CLEC4A: variants seen among roughly 807,000 people sequenced by gnomAD.
CLEC4A encodes C-type lectin domain family 4 member A, also known as C-type (calcium dependent, carbohydrate-recognition domain) lectin, superfamily member 6.
A neutral mutation model predicts 32.7 loss-of-function variants in CLEC4A; 27 were observed. That is an observed-to-expected ratio of 0.83 (90% CI 0.61 to 1.14). CLEC4A has a LOEUF of 1.14. CLEC4A is among the 50% of genes most tolerant of loss of function. The pLI, the probability that CLEC4A is intolerant of heterozygous loss-of-function variation, is 0.00. For missense variants in CLEC4A, 253 were observed against 274.6 expected, an observed-to-expected ratio of 0.92 and a Z score of 0.55; for synonymous variants, 89 against 93.7, an observed-to-expected ratio of 0.95 and a Z score of 0.29.
At position 8,134,535 on chromosome 12, in the gene CLEC4A, T is replaced by A. The variant is rs761619069; in HGVS notation, c.299-1050T>A. On this transcript the variant is annotated intron_variant, in intron 3 of 5. Transcript: ENST00000229332. ...GGGCTCCGGGGAGGCCCCATCGGAG[T>A]TGCTCTCCACCCCGACTCCTGCTTC... 10 of 1,613,462 alleles carry A rather than the reference T, an allele frequency of 6.2e-6. No homozygotes were observed. The East Asian group carries it at 1.1e-4, about 18-fold the overall frequency.
Position 8,123,786 on chromosome 12 carries a change from T to C in CLEC4A, c.-93T>C. 1.2e-6 allele frequency: 1 copy of C among 826,356 alleles called. No individual in the cohort carries two copies. Among genetic ancestry groups the C allele is most frequent in the African/African-American group, 1.7e-5 (1 of 59,548 alleles). 51.2% of individuals were successfully genotyped at this position (826,356 alleles called of 1,614,324 possible). A position where few individuals can be genotyped will look rare whatever the true frequency, so the allele number is the denominator to read the frequency against. ...CACTAGTTGAGTGAAAGGAAGGAGG[T>C]AATTTACCACCATGTTTGGTTCCTG... On this transcript the variant is annotated 5_prime_UTR_variant, in exon 1 of 6. Transcript: ENST00000229332.
upstream of CLEC4A, among the ~76,000 whole-genome samples, chr12:8,123,461 C>A (rs1947851243): frequency 6.6e-6 from 1 of 152,166 alleles, no homozygotes; most frequent in African/African-American, 2.4e-5. Context: ...GATGTTTGGT[C>A]AAAAGTAATT....
Position 8,134,986 on chromosome 12 carries a change from G to GT in CLEC4A, c.299-590dup, listed in dbSNP as rs1482435797. On this transcript the variant is annotated intron_variant, in intron 3 of 5. Transcript: ENST00000229332. Reference sequence around the variant, plus strand: ...TCTTGTTGAAGCGTTTTTGTTTTTTGTTTTTTTTTAATCATGGCTGCTTTT... The same window carrying GT: ...TCTTGTTGAAGCGTTTTTGTTTTTTGTTTTTTTTTTAATCATGGCTGCTTTT... The GT allele has an allele frequency of 1.4e-3, 199 of 138,638 alleles. 8 individuals carry two copies. Among genetic ancestry groups the GT allele is most frequent in the East Asian group, 4.1e-3 (15 of 3,686 alleles). The allele number at this position is 138,638 out of a possible 1,614,324, so 8.6% of individuals were successfully genotyped here.
the CLEC4A span, among the ~76,000 whole-genome samples, chr12:8,109,632 C>T: frequency 6.6e-6 from 1 of 152,176 alleles, no homozygotes; most frequent in East Asian, 1.9e-4. Context: ...GGGAGAATCG[C>T]TTGAGCCCAG....
At chr12:8,114,490 C>G in the CLEC4A span, among the ~76,000 whole-genome samples, 13 of 152,000 alleles carry the variant, frequency 8.6e-5, no homozygotes, top group Admixed American at 7.9e-4. Flanking sequence ...GTGATCCACC[C>G]GCCTCAGCCT....
chr12:8,136,926 G>A (rs751960808), intron 5 of CLEC4A, 23 bp downstream of exon 5: 2 of 1,508,950 alleles, frequency 1.3e-6, no homozygotes, highest in South Asian at 2.3e-5. Flanking sequence ...TGAGATAAAA[G>A]AATCTTGGGT....
In CLEC4A at chr12:8,135,626, A is replaced by G; in HGVS notation, c.340A>G (p.Ser114Gly). The G allele has an allele frequency of 3.1e-6, 5 of 1,614,248 alleles. No homozygotes were observed. The highest frequency in any genetic ancestry group is 4.2e-6 in the Non-Finnish European group (5 of 1,180,024). Reference protein sequence around the residue: ...SCCPKNWKSFSSNCYFISTES... With the variant: ...SCCPKNWKSFGSNCYFISTES... The stretch of plus-strand genomic sequence containing the variant: ...TTGCCCAAAGAATTGGAAGTCATTT[A>G]GTTCCAACTGCTACTTTATTTCTAC... Residue 114 changes from serine (S) to glycine (G), a missense_variant, in exon 4 of 6, where the codon AGT (serine) becomes GGT (glycine). Physicochemically the swap from Ser to Gly is moderately conservative, Grantham distance 56. Coordinates refer to ENST00000229332, the MANE Select transcript of CLEC4A (RefSeq NM_016184.4).
Position 8,123,649 on chromosome 12 carries a change from C to T in CLEC4A, c.-230C>T, listed in dbSNP as rs1350873125. 1 of 481,712 alleles carries T rather than the reference C, an allele frequency of 2.1e-6. No individual in the cohort carries two copies. The highest frequency in any genetic ancestry group is 3.8e-5 in the Admixed American group (1 of 26,610). 29.8% of individuals were successfully genotyped at this position (481,712 alleles called of 1,614,324 possible). A position where few individuals can be genotyped will look rare whatever the true frequency, so the allele number is the denominator to read the frequency against. On this transcript the variant is annotated 5_prime_UTR_variant, in exon 1 of 6. Coordinates refer to ENST00000229332, the MANE Select transcript of CLEC4A (RefSeq NM_016184.4). ...TTTCAAGGCTGTGATTCTCACTATA[C>T]TGGTCCTGAGGAAAGGGCTTCTGTG...
Position 8,129,245 on chromosome 12 carries a change from T to A in CLEC4A, c.200-19T>A. 1 of 1,426,488 alleles carries A rather than the reference T, an allele frequency of 7.0e-7. No homozygotes were observed. Among genetic ancestry groups the A allele is most frequent in the Non-Finnish European group, 9.8e-7 (1 of 1,022,178 alleles). The allele number at this position is 1,426,488 out of a possible 1,614,324, so 88.4% of individuals were successfully genotyped here. A position where few individuals can be genotyped will look rare whatever the true frequency, so the allele number is the denominator to read the frequency against. On this transcript the variant is annotated intron_variant, in intron 2 of 5. Transcript: ENST00000229332. ...ATAATGCTACCAGGAAAATAAATGG[T>A]CTTTATTCTCTTTTCCAGTTTTCTT...
intron 5 of CLEC4A, 23 bp from the exon 6 acceptor site, chr12:8,138,117 C>T: frequency 6.2e-7 from 1 of 1,610,474 alleles, no homozygotes; most frequent in Non-Finnish European, 8.5e-7. Context: ...AAGAAATGCC[C>T]TCATCCTTTT....
the CLEC4A span, among the ~76,000 whole-genome samples, chr12:8,117,837 C>T: frequency 6.6e-6 from 1 of 152,052 alleles, no homozygotes; most frequent in African/African-American, 2.4e-5. Flanking sequence ...ATTCTTCAAA[C>T]ATAAGGAGAA....
At chr12:8,124,488 C>A (rs933918088) in intron 1 of CLEC4A, among the ~76,000 whole-genome samples, 1 of 152,190 alleles carries the variant, frequency 6.6e-6, no homozygotes, top group African/African-American at 2.4e-5. Flanking sequence ...TCTCTTAAAT[C>A]TCCAGGAAAC....
the CLEC4A span, among the ~76,000 whole-genome samples, chr12:8,105,311 G>A: frequency 1.3e-4 from 19 of 147,726 alleles, no homozygotes; most frequent in African/African-American, 4.7e-4. Context: ...TTTGATTTGT[G>A]TTTCTCTAAT....
the CLEC4A span, among the ~76,000 whole-genome samples, chr12:8,111,963 G>GTGTGTGTA: frequency 2.7e-4 from 39 of 142,700 alleles, no homozygotes; most frequent in Middle Eastern, 3.5e-3. Flanking sequence ...GTGTGTGTGT[G>GTGTGTGTA]TATTTTATTT....
chr12:8,130,374 T>A (rs1002305520), intron 3 of CLEC4A, among the ~76,000 whole-genome samples: 1 of 151,838 alleles, frequency 6.6e-6, no homozygotes, highest in Non-Finnish European at 1.5e-5. Flanking sequence ...ATTATTGTTA[T>A]TATTATTATT....
upstream of CLEC4A, among the ~76,000 whole-genome samples, chr12:8,122,873 T>C (rs781433292): frequency 1.4e-4 from 21 of 151,988 alleles, 1 homozygote; most frequent in South Asian, 4.4e-3. Context: ...AGGAATCAGC[T>C]GGGGGAGATT....
chr12:8,138,484 C>A lies in CLEC4A; in HGVS notation c.*197C>A. On this transcript the variant is annotated 3_prime_UTR_variant, in exon 6 of 6. Coordinates refer to ENST00000229332, the MANE Select transcript of CLEC4A (RefSeq NM_016184.4). The stretch of plus-strand genomic sequence containing the variant: ...AGTGAGCATTTATTGAGCATTTTTT[C>A]ATGTGCCAGAGCCTGTACTGGAGGC... 1.7e-6 allele frequency: 1 copy of A among 596,304 alleles called. No homozygotes were observed. Among genetic ancestry groups the A allele is most frequent in the Non-Finnish European group, 2.8e-6 (1 of 359,130 alleles). 36.9% of individuals were successfully genotyped at this position (596,304 alleles called of 1,614,324 possible).
At chr12:8,114,067 TC>T in the CLEC4A span, among the ~76,000 whole-genome samples, 1 of 152,114 alleles carries the variant, frequency 6.6e-6, no homozygotes, top group African/African-American at 2.4e-5. Flanking sequence ...CAAGGTGTTA[TC>T]AGGTTGCACT....
rs1194837607 is a variant in CLEC4A at position 8,134,974 on chromosome 12, T to TTTTTTTTTTTTTG, written c.299-607_299-606insTTTTTTTTGTTTT. 8.0e-5 allele frequency: 16 copies of TTTTTTTTTTTTTG among 199,896 alleles called. 1 individual carries two copies. Among genetic ancestry groups the TTTTTTTTTTTTTG allele is most frequent in the Non-Finnish European group, 9.5e-5 (14 of 146,624 alleles). 12.4% of individuals were successfully genotyped at this position (199,896 alleles called of 1,614,324 possible). On this transcript the variant is annotated intron_variant, in intron 3 of 5. Coordinates refer to ENST00000229332, the MANE Select transcript of CLEC4A (RefSeq NM_016184.4). ...ATGTCTGTATCTTCTTGTTGAAGCGTTTTTGTTTTTTGTTTTTTTTTAATC... is the reference window on the plus strand; with the variant it reads ...ATGTCTGTATCTTCTTGTTGAAGCGTTTTTTTTTTTTTGTTTTGTTTTTTGTTTTTTTTTAATC...
Sources: allele counts gnomAD v4.1 joint callset (sites outside exome capture counted in the v4.1 genomes callset), GRCh38; gene constraint gnomAD v4.1.1; transcripts MANE v1.5; gene names NCBI Gene and HGNC (gene_info 2026-07-23, HGNC 2026-07-21).